The following PLA2G2D variants were observed in gnomAD, a reference collection of about 807,000 sequenced individuals.
PLA2G2D encodes the protein phospholipase A2 group IID.
PLA2G2D carries 17 observed loss-of-function variants against 13.9 expected under a neutral mutation model. The observed-to-expected ratio is 1.23, with a 90% CI of 0.84 to 1.84. PLA2G2D has a LOEUF of 1.84. Among genes scored for constraint, PLA2G2D ranks in the 40% most tolerant of loss-of-function variants. The probability of loss-of-function intolerance (pLI) is 0.00; values close to 1 mark genes in which losing one functional copy is unlikely to be tolerated. For synonymous variants in PLA2G2D, 83 were observed against 69.3 expected (o/e 1.20, Z -0.98); for missense variants, 194 against 178.7 (o/e 1.09, Z -0.49).
At chr1:20,115,459 CTCCCTTCCTGGGGT>C (rs2016965442) in intron 3 of PLA2G2D, 34 bp downstream of exon 3, 1 of 1,083,250 alleles carries the variant, frequency 9.2e-7, no homozygotes, top group African/African-American at 1.6e-5. Flanking sequence ...GGGGCCAGAT[CTCCCTTCCTGGGGT>C]CTCCAGCTCC....
chr1:20,112,605 T>A lies in PLA2G2D; in HGVS notation c.*1509A>T, dbSNP rs956975012. On this transcript the variant is annotated 3_prime_UTR_variant, in exon 4 of 4. Coordinates refer to ENST00000375105, the MANE Select transcript of PLA2G2D (RefSeq NM_012400.4). ...TGGGAGTCCTCATAGGAAAAAGTTG[T>A]CCCTCTTCAGTCTCTTTCCTTAGAA... is the stretch of plus-strand genomic sequence containing the variant. 4 of 152,162 alleles carry A rather than the reference T, an allele frequency of 2.6e-5. No individual in the cohort carries two copies. The highest frequency in any genetic ancestry group is 9.7e-5 in the African/African-American group (4 of 41,432). 9.4% of individuals were successfully genotyped at this position (152,162 alleles called of 1,614,324 possible).
intron 3 of PLA2G2D, among the ~76,000 whole-genome samples, chr1:20,115,140 A>G (rs10916711): frequency 0.31 from 46,975 of 152,088 alleles, 7,425 homozygotes; most frequent in Middle Eastern, 0.36. Flanking sequence ...ACAGCCAATC[A>G]GTAGCTCTGT....
intron 1 of PLA2G2D, among the ~76,000 whole-genome samples, chr1:20,117,819 C>A (rs1487028676): frequency 6.6e-6 from 1 of 152,060 alleles, no homozygotes; most frequent in Non-Finnish European, 1.5e-5. Context: ...GTGGGTGAGC[C>A]ACACATTGGG....
chr1:20,119,194 C>A (rs954922998), intron 1 of PLA2G2D, among the ~76,000 whole-genome samples: 7 of 152,108 alleles, frequency 4.6e-5, no homozygotes, highest in African/African-American at 1.7e-4. Context: ...CCCAGCAGAC[C>A]CTGGTGCTGG....
Sources: allele counts gnomAD v4.1 joint callset (sites outside exome capture counted in the v4.1 genomes callset), GRCh38; gene constraint gnomAD v4.1.1; transcripts MANE v1.5; gene names NCBI Gene and HGNC (gene_info 2026-07-23, HGNC 2026-07-21).